Variants in NARS2 observed in about 807,000 individuals in gnomAD.
NARS2 encodes the protein asparaginyl-tRNA synthetase 2, mitochondrial.
A neutral mutation model predicts 62.9 loss-of-function variants in NARS2; 60 were observed. That is an observed-to-expected ratio of 0.95 (90% CI 0.77 to 1.18). The LOEUF (loss-of-function observed/expected upper bound fraction) is 1.18, where lower values mean the gene tolerates loss of function less well. Ranked by LOEUF, NARS2 falls within the 50% of genes most tolerant of loss-of-function variation. The pLI, the probability that NARS2 is intolerant of heterozygous loss-of-function variation, is 0.00. For missense variants in NARS2, 619 were observed against 576.4 expected, an observed-to-expected ratio of 1.07 and a Z score of -0.76; for synonymous variants, 196 against 200.0, an observed-to-expected ratio of 0.98 and a Z score of 0.17.
chr11:78,473,959 G>A (rs941054448), intron 9 of NARS2, among the ~76,000 whole-genome samples: 2 of 151,878 alleles, frequency 1.3e-5, no homozygotes, highest in Admixed American at 1.3e-4. Flanking sequence ...CTGGAAAATC[G>A]CCCTCCAGCT....
chr11:78,546,140 G>C (rs1174862411), intron 5 of NARS2, among the ~76,000 whole-genome samples: 9 of 152,182 alleles, frequency 5.9e-5, no homozygotes, highest in Admixed American at 5.9e-4. Flanking sequence ...GTGAAGGCTA[G>C]ATTCAGCTAG....
intron 10 of NARS2, among the ~76,000 whole-genome samples, chr11:78,467,505 T>C (rs1260692165): frequency 1.3e-5 from 2 of 151,950 alleles, no homozygotes; most frequent in Non-Finnish European, 2.9e-5. Flanking sequence ...ACCACTGCAC[T>C]CCAGCCTCGG....
At chr11:78,505,943 A>G (rs1258326731) in intron 6 of NARS2, among the ~76,000 whole-genome samples, 6 of 152,198 alleles carry the variant, frequency 3.9e-5, no homozygotes, top group Non-Finnish European at 7.3e-5. Context: ...GAAAAAAAGT[A>G]CACCACCTAT....
intron 13 of NARS2, among the ~76,000 whole-genome samples, chr11:78,437,497 A>T (rs1438605728): frequency 1.3e-5 from 2 of 152,158 alleles, no homozygotes; most frequent in South Asian, 4.1e-4. Flanking sequence ...TCTGAAACCC[A>T]TCCACGCACA....
intron 6 of NARS2, among the ~76,000 whole-genome samples, chr11:78,503,668 T>C (rs540467566): frequency 1.3e-5 from 2 of 152,338 alleles, no homozygotes; most frequent in South Asian, 4.1e-4. Flanking sequence ...AAAAATTTTC[T>C]AATACTCTTG....
chr11:78,488,670 T>G (rs1033448455), intron 7 of NARS2, among the ~76,000 whole-genome samples: 10 of 152,192 alleles, frequency 6.6e-5, no homozygotes, highest in African/African-American at 2.4e-4. Context: ...GTAATGCATA[T>G]GGCAACTATA....
chr11:78,574,648 C>T lies in NARS2; in HGVS notation c.-160G>A. 1 of 726,772 alleles carries T rather than the reference C, an allele frequency of 1.4e-6. No individual in the cohort carries two copies. The highest frequency in any genetic ancestry group is 2.2e-6 in the Non-Finnish European group (1 of 454,536). The allele number at this position is 726,772 out of a possible 1,614,324, so 45.0% of individuals were successfully genotyped here. ...GCTGCGCGCTTTCTCCTTCAGGACT[C>T]CCAGCTCTGTCCCCACAGAACCTCT... On this transcript the variant is annotated 5_prime_UTR_variant, in exon 1 of 14. Transcript: ENST00000281038.
At chr11:78,521,789 C>CAAAAAAAAAAAAAA (rs58282524) in intron 6 of NARS2, among the ~76,000 whole-genome samples, 2 of 96,394 alleles carry the variant, frequency 2.1e-5, no homozygotes, top group African/African-American at 9.4e-5. Context: ...GACTCCGTCT[C>CAAAAAAAAAAAAAA]AAAAAAAAAA....
intron 5 of NARS2, among the ~76,000 whole-genome samples, chr11:78,553,556 TG>T (rs754924828): frequency 2.0e-4 from 30 of 152,226 alleles, no homozygotes; most frequent in Non-Finnish European, 3.4e-4. Context: ...CCCAAAGTGC[TG>T]GGATTATAGG....
chr11:78,505,074 C>A (rs868160846), intron 6 of NARS2, among the ~76,000 whole-genome samples: 24 of 149,862 alleles, frequency 1.6e-4, no homozygotes, highest in Non-Finnish European at 2.4e-4. Flanking sequence ...AAAAAAAAAA[C>A]CACTAAATTT....
chr11:78,540,209 T>G (rs557676828), intron 5 of NARS2, among the ~76,000 whole-genome samples: 1 of 152,328 alleles, frequency 6.6e-6, no homozygotes, highest in South Asian at 2.1e-4. Flanking sequence ...TTTTTTAATG[T>G]GTGTATCCCA....
intron 6 of NARS2, among the ~76,000 whole-genome samples, chr11:78,504,838 T>A (rs1394536199): frequency 6.6e-6 from 1 of 152,090 alleles, no homozygotes; most frequent in African/African-American, 2.4e-5. Context: ...AGGTCTTGGT[T>A]TGCCCAGGAA....
intron 11 of NARS2, among the ~76,000 whole-genome samples, chr11:78,460,623 G>A (rs1858357244): frequency 6.6e-6 from 1 of 152,152 alleles, no homozygotes. Context: ...GAGAAAGGAA[G>A]ACTTCTGAGA....
intron 3 of NARS2, among the ~76,000 whole-genome samples, chr11:78,568,239 G>A (rs1856807009): frequency 6.6e-6 from 1 of 152,136 alleles, no homozygotes; most frequent in African/African-American, 2.4e-5. Flanking sequence ...TTTTTTTAAT[G>A]AATTTTAATG....
intron 5 of NARS2, among the ~76,000 whole-genome samples, chr11:78,547,218 C>T (rs1855914517): frequency 6.6e-6 from 1 of 151,880 alleles, no homozygotes; most frequent in Non-Finnish European, 1.5e-5. Flanking sequence ...ATAGTACTAG[C>T]TACCAGCTAC....
At chr11:78,473,217 A>C (rs1276205710) in intron 9 of NARS2, among the ~76,000 whole-genome samples, 4 of 152,212 alleles carry the variant, frequency 2.6e-5, no homozygotes, top group Non-Finnish European at 4.4e-5. Context: ...CCTTTCAAAC[A>C]ACAAAAGGAC....
Position 78,538,685 on chromosome 11 carries a change from A to C in NARS2, c.595-9749T>G, listed in dbSNP as rs1246249316. On this transcript the variant is annotated intron_variant, in intron 5 of 13. Coordinates refer to ENST00000281038, the MANE Select transcript of NARS2 (RefSeq NM_024678.6). ...CAGGTGACTGTAGCTTGAGGGACTC[A>C]AGAGTAAGACTGTTAAAAGATGAGG... Among the ~76,000 whole-genome samples the C allele has an allele frequency of 3.3e-5, 5 of 152,254 alleles. No individual in the cohort carries two copies. In the East Asian group the frequency reaches 9.7e-4, roughly 29 times the overall value.
At chr11:78,560,536 T>C (rs1392204508) in intron 4 of NARS2, among the ~76,000 whole-genome samples, 1 of 152,220 alleles carries the variant, frequency 6.6e-6, no homozygotes, top group South Asian at 2.1e-4. Flanking sequence ...AATGCAAAAT[T>C]TTGGTCTTGG....
intron 5 of NARS2, among the ~76,000 whole-genome samples, chr11:78,531,045 G>C (rs1175086998): frequency 6.6e-6 from 1 of 151,854 alleles, no homozygotes; most frequent in Admixed American, 6.6e-5. Flanking sequence ...TAAAATATTG[G>C]TTGTAAAAAG....
Sources: allele counts gnomAD v4.1 joint callset (sites outside exome capture counted in the v4.1 genomes callset), GRCh38; gene constraint gnomAD v4.1.1; transcripts MANE v1.5; gene names NCBI Gene and HGNC (gene_info 2026-07-23, HGNC 2026-07-21).